MAGI1: variants seen among roughly 807,000 people sequenced by gnomAD.
The protein encoded by MAGI1 is membrane associated guanylate kinase, WW and PDZ domain containing 1, also known as membrane-associated guanylate kinase, WW and PDZ domain-containing protein 1.
In MAGI1, 58 loss-of-function variants were observed where a neutral mutation model predicts 139.9. The ratio of observed to expected loss-of-function variants is 0.41; its 90% CI spans 0.34 to 0.52. MAGI1 has a LOEUF of 0.52. Ranked by LOEUF, MAGI1 falls within the 20% of genes least tolerant of loss-of-function variation. The pLI, the probability that MAGI1 is intolerant of heterozygous loss-of-function variation, is 0.12. For missense variants in MAGI1, 1,874 were observed against 1,901.6 expected (o/e 0.99, Z 0.27); for synonymous variants, 812 against 737.9 (o/e 1.10, Z -1.63).
At chr3:65,518,423 T>G (rs745742541) in intron 2 of MAGI1, among the ~76,000 whole-genome samples, 34 of 152,158 alleles carry the variant, frequency 2.2e-4, no homozygotes, top group Non-Finnish European at 4.3e-4. Context: ...ATTGCATGAT[T>G]TTTCGTGGAA....
intron 2 of MAGI1, among the ~76,000 whole-genome samples, chr3:65,537,969 T>A (rs370353074): frequency 2.6e-5 from 4 of 151,762 alleles, no homozygotes; most frequent in African/African-American, 9.7e-5. Flanking sequence ...AAATAAAAAA[T>A]TAATAAAAAA....
chr3:65,476,318 G>T (rs1164458814), intron 4 of MAGI1, among the ~76,000 whole-genome samples: 1 of 152,114 alleles, frequency 6.6e-6, no homozygotes, highest in African/African-American at 2.4e-5. Context: ...CACCCTATTG[G>T]CCTTCTTGGT....
chr3:65,835,332 T>C (rs1361429432), intron 1 of MAGI1, among the ~76,000 whole-genome samples: 2 of 152,230 alleles, frequency 1.3e-5, no homozygotes, highest in African/African-American at 4.8e-5. Context: ...ACTACAGTTA[T>C]ATGATAAGGA....
At chr3:65,513,456 A>C (rs2077703783) in intron 2 of MAGI1, among the ~76,000 whole-genome samples, 1 of 49,480 alleles carries the variant, frequency 2.0e-5, no homozygotes, top group African/African-American at 8.0e-5. Flanking sequence ...AACTTCAGCA[A>C]AGTCTCAGGA....
chr3:65,589,837 CAA>C (rs11443949), intron 2 of MAGI1, among the ~76,000 whole-genome samples: 1 of 135,950 alleles, frequency 7.4e-6, no homozygotes, highest in African/African-American at 2.6e-5. Flanking sequence ...GGGTGGTTTT[CAA>C]AAAAAAAAAA....
chr3:65,485,348 T>C (rs1951560161), intron 3 of MAGI1, among the ~76,000 whole-genome samples: 1 of 152,184 alleles, frequency 6.6e-6, no homozygotes, highest in African/African-American at 2.4e-5. Context: ...CAGTTTGTTC[T>C]TGCCAGTGCC....
Position 65,873,487 on chromosome 3 carries a change from C to T in MAGI1, c.313+164509G>A, listed in dbSNP as rs1029989208. ...TGGCACTTTGGTTCTCTATCTTCTC[C>T]TTATCTGAGCAAGGGCTTCATGCCT... On this transcript the variant is annotated intron_variant, in intron 1 of 22. Transcript: ENST00000402939. 4.6e-5 allele frequency: 7 copies of T among 152,206 alleles called. 1 individual carries two copies. The highest frequency in any genetic ancestry group is 1.0e-4 in the Non-Finnish European group (7 of 68,028). The allele number at this position is 152,206 out of a possible 1,614,324, so 9.4% of individuals were successfully genotyped here. A position where few individuals can be genotyped will look rare whatever the true frequency, so the allele number is the denominator to read the frequency against.
intron 1 of MAGI1, among the ~76,000 whole-genome samples, chr3:65,812,300 CTGTTAT>C (rs1321931048): frequency 6.6e-5 from 10 of 152,022 alleles, no homozygotes; most frequent in Non-Finnish European, 1.5e-4. Context: ...TTAATTGTTG[CTGTTAT>C]TGTTATTATT....
intron 1 of MAGI1, among the ~76,000 whole-genome samples, chr3:65,930,937 G>C (rs951854688): frequency 2.6e-5 from 4 of 152,016 alleles, no homozygotes; most frequent in South Asian, 2.1e-4. Flanking sequence ...TCCACCCCTT[G>C]TTTAGCATAT....
intron 1 of MAGI1, among the ~76,000 whole-genome samples, chr3:65,879,424 C>A (rs2060240237): frequency 6.6e-6 from 1 of 152,024 alleles, no homozygotes; most frequent in Non-Finnish European, 1.5e-5. Flanking sequence ...AGAAACAGGT[C>A]TCTTTAACAA....
chr3:66,032,099 G>C (rs2068633037), intron 1 of MAGI1, among the ~76,000 whole-genome samples: 1 of 152,164 alleles, frequency 6.6e-6, no homozygotes, highest in Non-Finnish European at 1.5e-5. Context: ...AGAAGTAAAA[G>C]ACAAATCGAG....
At chr3:65,420,392 G>C (rs1372064827) in intron 12 of MAGI1, among the ~76,000 whole-genome samples, 2 of 151,966 alleles carry the variant, frequency 1.3e-5, no homozygotes. Context: ...CCCCCTCACT[G>C]CCAGGCCTGC....
intron 1 of MAGI1, among the ~76,000 whole-genome samples, chr3:65,865,975 G>A (rs2059710714): frequency 6.6e-6 from 1 of 152,170 alleles, no homozygotes; most frequent in Non-Finnish European, 1.5e-5. Context: ...AATGGCAGCA[G>A]CTGACATGGA....
At chr3:65,928,015 A>G (rs2062606459) in intron 1 of MAGI1, among the ~76,000 whole-genome samples, 1 of 152,196 alleles carries the variant, frequency 6.6e-6, no homozygotes, top group African/African-American at 2.4e-5. Context: ...AGTATACATA[A>G]TCCCCCTCAC....
At chr3:65,366,638 G>A (rs1348916628) in intron 18 of MAGI1, among the ~76,000 whole-genome samples, 1 of 152,098 alleles carries the variant, frequency 6.6e-6, no homozygotes, top group Non-Finnish European at 1.5e-5. Flanking sequence ...TGGGACTTAA[G>A]CAAAGTTACT....
chr3:65,369,470 C>T (rs1264422012), intron 18 of MAGI1, among the ~76,000 whole-genome samples: 4 of 151,594 alleles, frequency 2.6e-5, no homozygotes, highest in Non-Finnish European at 5.9e-5. Context: ...TTTCAAAGGG[C>T]CTGCTGGGGT....
chr3:65,682,714 C>T (rs540681519), intron 1 of MAGI1, among the ~76,000 whole-genome samples: 2 of 152,182 alleles, frequency 1.3e-5, no homozygotes, highest in South Asian at 4.2e-4. Context: ...ACACCAAAAG[C>T]TTGATCCACT....
intron 1 of MAGI1, among the ~76,000 whole-genome samples, chr3:65,871,266 T>A (rs1222157431): frequency 2.0e-5 from 3 of 152,080 alleles, no homozygotes; most frequent in African/African-American, 7.2e-5. Context: ...ACAAAAAATA[T>A]ATATATTCAA....
intron 18 of MAGI1, among the ~76,000 whole-genome samples, chr3:65,366,547 T>A (rs1055752687): frequency 6.6e-6 from 1 of 152,214 alleles, no homozygotes; most frequent in Admixed American, 6.5e-5. Context: ...GGAGACAGTT[T>A]AGCACAATGG....
Sources: allele counts gnomAD v4.1 joint callset (sites outside exome capture counted in the v4.1 genomes callset), GRCh38; gene constraint gnomAD v4.1.1; transcripts MANE v1.5; gene names NCBI Gene and HGNC (gene_info 2026-07-23, HGNC 2026-07-21).